SYNE2: variants seen among roughly 807,000 people sequenced by gnomAD.
SYNE2 encodes the protein spectrin repeat containing nuclear envelope protein 2.
Under a neutral mutation model 856.3 loss-of-function variants are expected in SYNE2, and 431 were observed. The observed-to-expected ratio is 0.50, with a 90% CI of 0.47 to 0.55. SYNE2 has a LOEUF of 0.55. Among genes scored for constraint, SYNE2 ranks in the 20% least tolerant of loss-of-function variants. SYNE2 has a pLI of 0.00. For synonymous variants in SYNE2, 2,923 were observed against 2,872.3 expected (o/e 1.02, Z -0.56); for missense variants, 8,129 against 8,023.2 (o/e 1.01, Z -0.50).
intron 1 of SYNE2, among the ~76,000 whole-genome samples, chr14:63,825,097 CA>C (rs950576590): frequency 5.5e-5 from 8 of 144,436 alleles, no homozygotes; most frequent in East Asian, 2.0e-4. Context: ...TAGACTGTTT[CA>C]AAAAAAAAAG....
At position 64,214,348 on chromosome 14, in the gene SYNE2, C is replaced by G. The variant is rs752494884; in HGVS notation, c.19211C>G (p.Ser6404Cys). Residue 6404 changes from serine (S) to cysteine (C), a missense_variant, in exon 106 of 116, where the codon TCT becomes TGT. Coordinates refer to ENST00000555002, the MANE Select transcript of SYNE2 (RefSeq NM_182914.3). ...CHLVAPGHER[S>C]GCETPVSVDS... Reference sequence around the variant, plus strand: ...CTAGTGGCCCCAGGGCACGAGCGGTCTGGCTGCGAGACCCCTGTCAGCGTG... The same window carrying G: ...CTAGTGGCCCCAGGGCACGAGCGGTGTGGCTGCGAGACCCCTGTCAGCGTG... The G allele has an allele frequency of 2.5e-6, 4 of 1,613,984 alleles. No homozygotes were observed. Among genetic ancestry groups the G allele is most frequent in the Non-Finnish European group, 3.4e-6 (4 of 1,180,016 alleles).
At chr14:63,950,111 A>G (rs2096126835) in intron 7 of SYNE2, 105 bp downstream of exon 7, 2 of 1,231,182 alleles carry the variant, frequency 1.6e-6, no homozygotes, top group African/African-American at 3.0e-5. Flanking sequence ...AATTCTCACT[A>G]TCCCCCTTCC....
chr14:64,163,719 T>C (rs1479620079), intron 89 of SYNE2, 138 bp downstream of exon 89: 1 of 922,966 alleles, frequency 1.1e-6, no homozygotes, highest in African/African-American at 1.6e-5. Context: ...CCCAAATGTA[T>C]ACGATTCTAG....
chr14:63,861,365 G>A (rs1035906796), intron 1 of SYNE2, among the ~76,000 whole-genome samples: 4 of 151,746 alleles, frequency 2.6e-5, no homozygotes, highest in South Asian at 4.2e-4. Context: ...TGCTGGTCTC[G>A]AACTCCTGAC....
intron 18 of SYNE2, 146 bp from the exon 19 acceptor site, chr14:63,986,310 G>T: frequency 1.2e-6 from 1 of 816,830 alleles, no homozygotes. Flanking sequence ...TTGTTGCCCA[G>T]ACTGGTCACA....
At chr14:63,771,440 A>T (rs999585302) in intron 1 of SYNE2, among the ~76,000 whole-genome samples, 2 of 152,212 alleles carry the variant, frequency 1.3e-5, no homozygotes, top group African/African-American at 2.4e-5. Flanking sequence ...TGTCTTAAAA[A>T]TTGAAAATGT....
At chr14:63,812,197 C>A (rs1040873016) in intron 1 of SYNE2, among the ~76,000 whole-genome samples, 66 of 152,274 alleles carry the variant, frequency 4.3e-4, no homozygotes, top group Non-Finnish European at 8.1e-4. Context: ...GACCTCCCCC[C>A]AGGAATGCAT....
At chr14:64,152,027 A>G (rs1347422072) in intron 84 of SYNE2, among the ~76,000 whole-genome samples, 1 of 152,168 alleles carries the variant, frequency 6.6e-6, no homozygotes, top group African/African-American at 2.4e-5. Flanking sequence ...GTATCTATAA[A>G]GAGTAGACCA....
At chr14:63,916,189 T>C (rs2095531331) in intron 2 of SYNE2, among the ~76,000 whole-genome samples, 2 of 152,364 alleles carry the variant, frequency 1.3e-5, no homozygotes, top group South Asian at 4.1e-4. Flanking sequence ...GTATCCATTG[T>C]ACAAATTCAA....
At chr14:63,883,814 A>G (rs2094920136) in intron 1 of SYNE2, among the ~76,000 whole-genome samples, 1 of 152,006 alleles carries the variant, frequency 6.6e-6, no homozygotes, top group Non-Finnish European at 1.5e-5. Flanking sequence ...CTGAACTAAA[A>G]TATAAATGTA....
intron 1 of SYNE2, among the ~76,000 whole-genome samples, chr14:63,840,687 T>C (rs555925958): frequency 6.6e-6 from 1 of 152,206 alleles, no homozygotes; most frequent in South Asian, 2.1e-4. Context: ...GAACAAGATA[T>C]ATCCCTTCAC....
chr14:64,225,044 A>C lies in SYNE2; in HGVS notation c.20515A>C (p.Arg6839=). Residue 6839 remains arginine, a splice_region_variant and synonymous_variant, in exon 115 of 116, where the codon AGG becomes CGG. Coordinates refer to ENST00000555002, the MANE Select transcript of SYNE2 (RefSeq NM_182914.3). ...TTEGEEETES[R]VPGSTRPQRS... ...AGAAGGCGAGGAGGAGACAGAGAGCAGGTAACGGGGCTTTACCGTGACAGC... is the reference window on the plus strand; with the variant it reads ...AGAAGGCGAGGAGGAGACAGAGAGCCGGTAACGGGGCTTTACCGTGACAGC... 1 of 1,614,034 alleles carries C rather than the reference A, an allele frequency of 6.2e-7. No individual in the cohort carries two copies. The highest frequency in any genetic ancestry group is 8.5e-7 in the Non-Finnish European group (1 of 1,179,946).
At chr14:63,891,077 C>T (rs1046850064) in intron 1 of SYNE2, among the ~76,000 whole-genome samples, 2 of 152,144 alleles carry the variant, frequency 1.3e-5, no homozygotes, top group South Asian at 2.1e-4. Flanking sequence ...ATTTATCTCA[C>T]GCCCTCATGT....
intron 12 of SYNE2, 71 bp from the exon 13 acceptor site, chr14:63,977,834 G>A: frequency 9.5e-7 from 1 of 1,053,114 alleles, no homozygotes; most frequent in East Asian, 2.4e-5. Flanking sequence ...TAATGCAAGT[G>A]AGATTGACAA....
intron 45 of SYNE2, among the ~76,000 whole-genome samples, chr14:64,047,089 C>T (rs2097191533): frequency 6.6e-6 from 1 of 152,148 alleles, no homozygotes; most frequent in Non-Finnish European, 1.5e-5. Flanking sequence ...AGCTCTTGTC[C>T]AGCATCCAAG....
At chr14:64,186,705 C>G (rs45448300) in intron 97 of SYNE2, 126 bp downstream of exon 97, 21 of 1,237,942 alleles carry the variant, frequency 1.7e-5, no homozygotes, top group Middle Eastern at 2.7e-4. Context: ...ACCCCTGGCC[C>G]GGCCGCTGCT....
Position 64,222,012 on chromosome 14 carries a change from A to C in SYNE2, c.20190+308A>C, listed in dbSNP as rs536558712. 7.2e-5 allele frequency among the ~76,000 whole-genome samples: 11 copies of C among 152,340 alleles called. 1 individual carries two copies. In the South Asian group the frequency reaches 2.3e-3, roughly 32 times the overall value. On this transcript the variant is annotated intron_variant, in intron 112 of 115. Coordinates refer to ENST00000555002, the MANE Select transcript of SYNE2 (RefSeq NM_182914.3). ...TATTTTTCTCTCGTGAATCCTGCTCATTGGGGAGAAATATGGTGCTCATTT... is the reference window on the plus strand; with the variant it reads ...TATTTTTCTCTCGTGAATCCTGCTCCTTGGGGAGAAATATGGTGCTCATTT...
intron 100 of SYNE2, among the ~76,000 whole-genome samples, chr14:64,207,725 G>C (rs544258668): frequency 6.6e-6 from 1 of 152,250 alleles, no homozygotes; most frequent in East Asian, 1.9e-4. Context: ...TGAGTCCTGG[G>C]AACTGGATTT....
At position 64,098,562 on chromosome 14, in the gene SYNE2, G is replaced by A. The variant is rs1595502368; in HGVS notation, c.12307-185G>A. ...GGGCCATGAAAATAACAAGACCTAA[G>A]GTTTGACTGACTCCGGATATCTGGC... On this transcript the variant is annotated intron_variant, in intron 62 of 115. Coordinates refer to ENST00000555002, the MANE Select transcript of SYNE2 (RefSeq NM_182914.3). The A allele has an allele frequency of 9.1e-6, 6 of 661,094 alleles. No individual in the cohort carries two copies. The East Asian group carries it at 1.1e-4, about 12-fold the overall frequency. 41.0% of individuals were successfully genotyped at this position (661,094 alleles called of 1,614,324 possible).
Sources: gnomAD v4.1 joint callset for allele counts (sites outside exome capture counted in the v4.1 genomes callset) on GRCh38, gnomAD v4.1.1 for gene constraint, MANE v1.5 for transcripts, NCBI Gene and HGNC (gene_info 2026-07-23, HGNC 2026-07-21) for gene names.